The following TMEM156 variants were observed in gnomAD, a reference collection of about 807,000 sequenced individuals.
TMEM156 encodes transmembrane protein 156.
TMEM156 carries 28 observed loss-of-function variants against 30.5 expected under a neutral mutation model. The observed-to-expected ratio is 0.92, with a 90% CI of 0.68 to 1.26. TMEM156 has a LOEUF of 1.26. TMEM156 is among the 50% of genes most tolerant of loss of function. The pLI is 0.00. For synonymous variants in TMEM156, 137 were observed against 119.9 expected, an observed-to-expected ratio of 1.14 and a Z score of -0.93; for missense variants, 351 against 340.6, an observed-to-expected ratio of 1.03 and a Z score of -0.24.
chr4:38,999,110 A>ATTTTTTTTTTTTTTTT (rs34889728), intron 1 of TMEM156, among the ~76,000 whole-genome samples: 6 of 106,084 alleles, frequency 5.7e-5, no homozygotes, highest in Non-Finnish European at 7.8e-5. Flanking sequence ...TTATTTATTT[A>ATTTTTTTTTTTTTTTT]TTTTTTTTTT....
chr4:39,014,798 T>C (rs1488726001), intron 1 of TMEM156, among the ~76,000 whole-genome samples: 1 of 149,062 alleles, frequency 6.7e-6, no homozygotes, highest in Non-Finnish European at 1.5e-5. Context: ...TCCCAGTAAA[T>C]AAAATTTTCA....
At chr4:39,025,880 C>T (rs549129260) in intron 1 of TMEM156, among the ~76,000 whole-genome samples, 23 of 152,286 alleles carry the variant, frequency 1.5e-4, no homozygotes, top group Non-Finnish European at 2.9e-4. Context: ...ATGAGGATAA[C>T]ACTTGGCCTG....
intron 2 of TMEM156, among the ~76,000 whole-genome samples, chr4:38,996,126 A>G (rs1191854361): frequency 1.3e-5 from 2 of 152,204 alleles, no homozygotes; most frequent in African/African-American, 4.8e-5. Context: ...GAGGACTTTC[A>G]TAGACATTTC....
intron 5 of TMEM156, among the ~76,000 whole-genome samples, chr4:38,979,983 G>A (rs543576062): frequency 2.2e-4 from 33 of 152,090 alleles, no homozygotes; most frequent in Non-Finnish European, 4.0e-4. Context: ...CCAAGATAGC[G>A]AGTAGCCTTT....
At chr4:38,968,378 C>T (rs1424969613) in intron 6 of TMEM156, among the ~76,000 whole-genome samples, 1 of 152,174 alleles carries the variant, frequency 6.6e-6, no homozygotes, top group Admixed American at 6.5e-5. Flanking sequence ...GTCTCTCTAT[C>T]GTGCTCCCCA....
intron 1 of TMEM156, among the ~76,000 whole-genome samples, chr4:39,012,723 T>A (rs532053907): frequency 6.6e-6 from 1 of 152,124 alleles, no homozygotes; most frequent in African/African-American, 2.4e-5. Context: ...GCAGATCACT[T>A]GAGGTCAGGA....
At chr4:38,985,556 T>C (rs974030422) in intron 5 of TMEM156, among the ~76,000 whole-genome samples, 6 of 152,156 alleles carry the variant, frequency 3.9e-5, no homozygotes, top group Non-Finnish European at 8.8e-5. Flanking sequence ...CATCCTCCCA[T>C]TTTTGAAAAC....
At chr4:38,968,993 G>T (rs1722471992) in intron 6 of TMEM156, among the ~76,000 whole-genome samples, 1 of 152,018 alleles carries the variant, frequency 6.6e-6, no homozygotes, top group Non-Finnish European at 1.5e-5. Flanking sequence ...GCAAAGTTGG[G>T]GTTTGTTTGT....
chr4:39,026,798 G>C (rs7676798), intron 1 of TMEM156, among the ~76,000 whole-genome samples: 1 of 151,826 alleles, frequency 6.6e-6, no homozygotes, highest in Non-Finnish European at 1.5e-5. Context: ...ATGGTGGTGC[G>C]TGCCTGTAGT....
At chr4:38,969,656 G>A (rs1443441799) in intron 6 of TMEM156, among the ~76,000 whole-genome samples, 1 of 152,164 alleles carries the variant, frequency 6.6e-6, no homozygotes, top group African/African-American at 2.4e-5. Context: ...GGCATGGCAT[G>A]AACACAGCTC....
intron 3 of TMEM156, among the ~76,000 whole-genome samples, chr4:38,992,686 A>AATATATTAT (rs1303523799): frequency 0.011 from 488 of 43,254 alleles, 4 homozygotes; most frequent in African/African-American, 0.032. Flanking sequence ...AATATATTAT[A>AATATATTAT]TAATATATTA....
At chr4:38,972,327 C>A (rs1722641990) in intron 5 of TMEM156, among the ~76,000 whole-genome samples, 1 of 136,254 alleles carries the variant, frequency 7.3e-6, no homozygotes, top group African/African-American at 2.7e-5. Flanking sequence ...GATCTCAGCT[C>A]ACTGCAACCT....
chr4:38,972,433 TAG>T (rs1182645808), intron 5 of TMEM156, among the ~76,000 whole-genome samples: 1 of 151,588 alleles, frequency 6.6e-6, no homozygotes, highest in Non-Finnish European at 1.5e-5. Flanking sequence ...GTATTTTTAG[TAG>T]AGACGGGGTT....
intron 5 of TMEM156, among the ~76,000 whole-genome samples, chr4:38,973,916 C>T (rs1722723870): frequency 6.6e-6 from 1 of 152,010 alleles, no homozygotes; most frequent in South Asian, 2.1e-4. Flanking sequence ...ATGAAAAATG[C>T]ATTGTATTTT....
intron 1 of TMEM156, among the ~76,000 whole-genome samples, chr4:39,027,743 GT>G (rs1401666951): frequency 7.3e-6 from 1 of 137,250 alleles, no homozygotes; most frequent in African/African-American, 2.8e-5. Context: ...TTTTCTTTCT[GT>G]CTTTTTTCTT....
intron 2 of TMEM156, among the ~76,000 whole-genome samples, chr4:38,995,022 T>C (rs1191953423): frequency 6.6e-6 from 1 of 152,126 alleles, no homozygotes; most frequent in Non-Finnish European, 1.5e-5. Context: ...GGTTGATTTG[T>C]TCTGAGGGCT....
At position 39,016,840 on chromosome 4, in the gene TMEM156, C is replaced by A. The variant is rs188757319; in HGVS notation, c.88+15386G>T. 3.0e-3 allele frequency among the ~76,000 whole-genome samples: 449 copies of A among 151,974 alleles called. 4 individuals are homozygous for A. The highest frequency in any genetic ancestry group is 9.6e-3 in the African/African-American group (396 of 41,442). On this transcript the variant is annotated intron_variant, in intron 1 of 6. Transcript: ENST00000381938. ...TCTCACGCTGCTAATAAAGACATAC[C>A]CGAGACTGGGTAAATTATAAAGGAA...
At chr4:38,992,750 A>T (rs61413024) in intron 3 of TMEM156, among the ~76,000 whole-genome samples, 12 of 74,790 alleles carry the variant, frequency 1.6e-4, no homozygotes, top group African/African-American at 4.8e-4. Flanking sequence ...ATAATATATT[A>T]TATATATATA....
At chr4:38,988,993 A>C in intron 3 of TMEM156, 23 bp from the exon 4 acceptor site, 1 of 1,601,376 alleles carries the variant, frequency 6.2e-7, no homozygotes, top group South Asian at 1.1e-5. Flanking sequence ...CAAATACTGT[A>C]AAAACCCAGT....
Sources: allele counts gnomAD v4.1 joint callset (sites outside exome capture counted in the v4.1 genomes callset), GRCh38; gene constraint gnomAD v4.1.1; transcripts MANE v1.5; gene names NCBI Gene and HGNC (gene_info 2026-07-23, HGNC 2026-07-21).